CSMD1: variants seen among roughly 807,000 people sequenced by gnomAD.
The protein encoded by CSMD1 is CUB and Sushi multiple domains 1.
CSMD1 carries 213 observed loss-of-function variants against 417.5 expected under a neutral mutation model. The observed-to-expected ratio is 0.51, with a 90% confidence interval of 0.46 to 0.57. The LOEUF is 0.57. CSMD1 is among the 20% of genes least tolerant of loss of function. The probability of loss-of-function intolerance (pLI) is 0.00; values close to 1 mark genes in which losing one functional copy is unlikely to be tolerated. For missense variants in CSMD1, 6,923 were observed against 4,529.7 expected (o/e 1.53, Z -15.17); for synonymous variants, 2,862 against 1,736.8 (o/e 1.65, Z -16.11).
Position 4,553,028 on chromosome 8 carries a change from C to T in CSMD1, c.302+84314G>A, listed in dbSNP as rs550884804. Among the ~76,000 whole-genome samples, 18 of 152,326 alleles carry T rather than the reference C, an allele frequency of 1.2e-4. No homozygotes were observed. The South Asian group carries it at 2.1e-3, about 18-fold the overall frequency. ...TTTCACCGAGTCAGAACATGAAGCA[C>T]GTTAATAATAAGCTCACATTTTCAA... On this transcript the variant is annotated intron_variant, in intron 2 of 69. Coordinates refer to ENST00000635120, the MANE Select transcript of CSMD1 (RefSeq NM_033225.6).
At position 3,022,364 on chromosome 8, in the gene CSMD1, A is replaced by ATCCGGAATGCACCCGCAATCCCACAGCG. The variant is rs1563248161; in HGVS notation, c.7856-3742_7856-3715dup. On this transcript the variant is annotated intron_variant, in intron 51 of 69. Coordinates refer to ENST00000635120, the MANE Select transcript of CSMD1 (RefSeq NM_033225.6). ...CGGAATGCACCCGCAATCCCACAGC[A>ATCCGGAATGCACCCGCAATCCCACAGCG]TCCGGAATGCACCCGCAATCCCACA... 4.9e-4 allele frequency among the ~76,000 whole-genome samples: 74 copies of ATCCGGAATGCACCCGCAATCCCACAGCG among 151,852 alleles called. 3 individuals are homozygous for ATCCGGAATGCACCCGCAATCCCACAGCG. Among genetic ancestry groups the ATCCGGAATGCACCCGCAATCCCACAGCG allele is most frequent in the Middle Eastern group, 6.8e-3 (2 of 292 alleles).
intron 3 of CSMD1, among the ~76,000 whole-genome samples, chr8:4,288,439 C>A (rs1797180904): frequency 6.6e-6 from 1 of 152,168 alleles, no homozygotes; most frequent in Admixed American, 6.5e-5. Context: ...AAATTCAATT[C>A]AATGCTGTAG....
At chr8:4,004,275 T>A (rs376023416) in intron 4 of CSMD1, among the ~76,000 whole-genome samples, 1 of 152,132 alleles carries the variant, frequency 6.6e-6, no homozygotes, top group Non-Finnish European at 1.5e-5. Flanking sequence ...GTAACATTCA[T>A]GAATAATGAA....
At chr8:4,679,383 A>C (rs1805898518) in intron 1 of CSMD1, among the ~76,000 whole-genome samples, 1 of 152,194 alleles carries the variant, frequency 6.6e-6, no homozygotes, top group African/African-American at 2.4e-5. Flanking sequence ...GAAATTTAAA[A>C]TGGATGTGCC....
chr8:3,588,505 C>T (rs1800701210), intron 8 of CSMD1, among the ~76,000 whole-genome samples: 1 of 152,048 alleles, frequency 6.6e-6, no homozygotes, highest in Non-Finnish European at 1.5e-5. Context: ...GGAAGCATTG[C>T]TTCAACTTAG....
At chr8:3,861,730 T>A (rs925299488) in intron 5 of CSMD1, among the ~76,000 whole-genome samples, 1 of 152,200 alleles carries the variant, frequency 6.6e-6, no homozygotes, top group Non-Finnish European at 1.5e-5. Context: ...TTTTGTCTGC[T>A]ATAAAGATTT....
intron 3 of CSMD1, among the ~76,000 whole-genome samples, chr8:4,332,494 CTCT>C (rs1381720697): frequency 1.3e-5 from 2 of 151,196 alleles, no homozygotes; most frequent in Non-Finnish European, 2.9e-5. Flanking sequence ...CAGATAGGAG[CTCT>C]TCTTCTGGTT....
chr8:3,587,030 C>A (rs904937794), intron 8 of CSMD1, among the ~76,000 whole-genome samples: 7 of 152,146 alleles, frequency 4.6e-5, no homozygotes, highest in African/African-American at 1.7e-4. Flanking sequence ...CAACTCCTGA[C>A]CTCAAGTGAT....
At chr8:4,400,433 C>G (rs908369400) in intron 3 of CSMD1, among the ~76,000 whole-genome samples, 1 of 152,228 alleles carries the variant, frequency 6.6e-6, no homozygotes, top group Non-Finnish European at 1.5e-5. Context: ...TGTGCACATG[C>G]ATGTATGCAG....
intron 4 of CSMD1, among the ~76,000 whole-genome samples, chr8:4,004,200 T>C (rs937746865): frequency 8.5e-5 from 13 of 152,224 alleles, no homozygotes; most frequent in African/African-American, 3.1e-4. Flanking sequence ...ATAATTGTTA[T>C]GAGGGATTTA....
intron 2 of CSMD1, among the ~76,000 whole-genome samples, chr8:4,458,029 C>A (rs193025453): frequency 2.6e-3 from 397 of 152,220 alleles, no homozygotes; most frequent in African/African-American, 9.0e-3. Context: ...CGGTATTCCT[C>A]TATTCTTTAA....
intron 3 of CSMD1, among the ~76,000 whole-genome samples, chr8:4,238,944 G>A (rs1435648814): frequency 6.6e-6 from 1 of 152,160 alleles, no homozygotes; most frequent in African/African-American, 2.4e-5. Flanking sequence ...TTTCTACCCT[G>A]TTCTTCTGTA....
At chr8:4,304,550 T>C (rs1798144861) in intron 3 of CSMD1, among the ~76,000 whole-genome samples, 1 of 152,208 alleles carries the variant, frequency 6.6e-6, no homozygotes, top group South Asian at 2.1e-4. Context: ...CTCATCGTGA[T>C]AATCAATTGG....
intron 5 of CSMD1, among the ~76,000 whole-genome samples, chr8:3,993,263 G>C (rs1273536824): frequency 1.3e-5 from 2 of 152,092 alleles, no homozygotes; most frequent in African/African-American, 4.8e-5. Context: ...ACATGAGGAG[G>C]GAGAACATGA....
At chr8:3,328,323 T>A (rs994496406) in intron 23 of CSMD1, among the ~76,000 whole-genome samples, 1 of 152,218 alleles carries the variant, frequency 6.6e-6, no homozygotes, top group Non-Finnish European at 1.5e-5. Context: ...CCTGCCTATA[T>A]GCTGCTTAAG....
intron 3 of CSMD1, among the ~76,000 whole-genome samples, chr8:4,053,650 A>C (rs185390814): frequency 9.2e-4 from 140 of 152,226 alleles, no homozygotes; most frequent in Non-Finnish European, 1.0e-3. Context: ...AGAGTGTCAT[A>C]TACATAGAAA....
intron 5 of CSMD1, among the ~76,000 whole-genome samples, chr8:3,800,892 C>T (rs1000485836): frequency 6.6e-6 from 1 of 151,982 alleles, no homozygotes; most frequent in Non-Finnish European, 1.5e-5. Context: ...GCTATGGCCC[C>T]CAACAACCAT....
rs115523158 is a variant in CSMD1, at chr8:3,835,887, A to T, written c.819-81845T>A. ...CTCTGTACCATTCGTTTTTTCCATG[A>T]AGGCTTTGATAAGACTTTTTTCAAC... On this transcript the variant is annotated intron_variant, in intron 5 of 69. Coordinates refer to ENST00000635120, the MANE Select transcript of CSMD1 (RefSeq NM_033225.6). Among the ~76,000 whole-genome samples, 386 of 152,050 alleles carry T rather than the reference A, an allele frequency of 2.5e-3. 2 individuals are homozygous for T. Among genetic ancestry groups the T allele is most frequent in the African/African-American group, 8.9e-3 (370 of 41,506 alleles).
At chr8:3,463,936 A>G (rs781201057) in intron 12 of CSMD1, among the ~76,000 whole-genome samples, 1 of 152,088 alleles carries the variant, frequency 6.6e-6, no homozygotes, top group African/African-American at 2.4e-5. Flanking sequence ...TGCCTACACA[A>G]ATTTCCATTC....
Sources: gnomAD v4.1 joint callset for allele counts (sites outside exome capture counted in the v4.1 genomes callset) on GRCh38, gnomAD v4.1.1 for gene constraint, MANE v1.5 for transcripts, NCBI Gene and HGNC (gene_info 2026-07-23, HGNC 2026-07-21) for gene names.